Variants in PRDM5 observed in about 807,000 individuals in gnomAD.
The protein encoded by PRDM5 is PR/SET domain 5.
PRDM5 carries 56 observed loss-of-function variants against 81.2 expected under a neutral mutation model. The ratio of observed to expected loss-of-function variants is 0.69; its 90% CI spans 0.56 to 0.86. The LOEUF (loss-of-function observed/expected upper bound fraction) is 0.86. PRDM5 is among the 40% of genes least tolerant of loss of function. The pLI, the probability that PRDM5 is intolerant of heterozygous loss-of-function variation, is 0.00. For synonymous variants in PRDM5, 267 were observed against 256.4 expected (o/e 1.04, Z -0.39); for missense variants, 697 against 770.1 (o/e 0.91, Z 1.12).
intron 4 of PRDM5, among the ~76,000 whole-genome samples, chr4:120,820,776 T>C (rs915598330): frequency 4.6e-5 from 7 of 152,238 alleles, no homozygotes; most frequent in East Asian, 1.9e-4. Flanking sequence ...TTTTCCTATA[T>C]GCAGATGAGA....
chr4:120,741,788 G>C (rs961648182), intron 14 of PRDM5, among the ~76,000 whole-genome samples: 1 of 152,118 alleles, frequency 6.6e-6, no homozygotes, highest in South Asian at 2.1e-4. Flanking sequence ...ACCCCACGGA[G>C]TCTCGCTGAT....
intron 4 of PRDM5, among the ~76,000 whole-genome samples, chr4:120,819,934 C>T (rs370666823): frequency 5.6e-4 from 85 of 152,252 alleles, no homozygotes; most frequent in African/African-American, 2.0e-3. Flanking sequence ...ACTTTCTCAG[C>T]CAATAACATG....
downstream of PRDM5, among the ~76,000 whole-genome samples, chr4:120,690,307 T>C (rs1733991404): frequency 6.6e-6 from 1 of 152,118 alleles, no homozygotes; most frequent in African/African-American, 2.4e-5. Context: ...TCCAGATAAA[T>C]TTCATATGCT....
At chr4:120,751,509 A>G (rs1446809250) in intron 14 of PRDM5, among the ~76,000 whole-genome samples, 2 of 152,258 alleles carry the variant, frequency 1.3e-5, no homozygotes, top group African/African-American at 4.8e-5. Context: ...TGAAAAAAAA[A>G]TGGCCAAGAA....
At chr4:120,897,072 T>C (rs1764718118) in intron 2 of PRDM5, 2 of 151,766 alleles carry the variant, frequency 1.3e-5, no homozygotes, top group Non-Finnish European at 2.9e-5. Flanking sequence ...GTGGTCTTAG[T>C]ACCCTCATTT....
intron 2 of PRDM5, among the ~76,000 whole-genome samples, chr4:120,860,744 G>A (rs1760475333): frequency 6.6e-6 from 1 of 152,110 alleles, no homozygotes; most frequent in Non-Finnish European, 1.5e-5. Flanking sequence ...CTACTTAGTG[G>A]CTTATTTGTT....
chr4:120,905,530 T>C (rs2148673125), intron 2 of PRDM5, among the ~76,000 whole-genome samples: 1 of 152,294 alleles, frequency 6.6e-6, no homozygotes, highest in East Asian at 1.9e-4. Flanking sequence ...CCCTCATCCA[T>C]TTAGTCACAG....
chr4:120,738,614 G>A (rs1038866025), intron 14 of PRDM5, among the ~76,000 whole-genome samples: 1 of 152,088 alleles, frequency 6.6e-6, no homozygotes, highest in African/African-American at 2.4e-5. Context: ...AAACTGAATT[G>A]TAAGATGTGT....
intron 2 of PRDM5, among the ~76,000 whole-genome samples, chr4:120,856,972 C>T (rs1188298027): frequency 1.3e-5 from 2 of 152,152 alleles, no homozygotes; most frequent in Non-Finnish European, 2.9e-5. Flanking sequence ...ATGAAGTCAA[C>T]AGTCTCATCG....
At chr4:120,759,858 A>G (rs1312948346) in intron 13 of PRDM5, among the ~76,000 whole-genome samples, 1 of 152,248 alleles carries the variant, frequency 6.6e-6, no homozygotes, top group African/African-American at 2.4e-5. Context: ...ATTAGCCAAA[A>G]AAGTAGCTAA....
intron 2 of PRDM5, among the ~76,000 whole-genome samples, chr4:120,902,121 G>A (rs1036826375): frequency 6.6e-6 from 1 of 152,174 alleles, no homozygotes; most frequent in South Asian, 2.1e-4. Flanking sequence ...GAAATGGAAA[G>A]AAAGGCCCAG....
At chr4:120,862,656 C>A (rs1760737740) in intron 2 of PRDM5, among the ~76,000 whole-genome samples, 1 of 152,134 alleles carries the variant, frequency 6.6e-6, no homozygotes, top group African/African-American at 2.4e-5. Flanking sequence ...GTTAACATAT[C>A]AAGGTGTTTT....
intron 14 of PRDM5, among the ~76,000 whole-genome samples, chr4:120,715,303 C>A (rs1737588634): frequency 6.6e-6 from 1 of 152,104 alleles, no homozygotes; most frequent in Admixed American, 6.6e-5. Flanking sequence ...ATAAGTGCTC[C>A]TTATAGGGCC....
At chr4:120,869,323 T>C (rs1579054223) in intron 2 of PRDM5, among the ~76,000 whole-genome samples, 2 of 152,222 alleles carry the variant, frequency 1.3e-5, no homozygotes, top group South Asian at 2.1e-4. Context: ...TAGAATATTA[T>C]GCATACTTTT....
At chr4:120,894,939 T>C (rs1304202010) in intron 2 of PRDM5, among the ~76,000 whole-genome samples, 1 of 152,232 alleles carries the variant, frequency 6.6e-6, no homozygotes, top group East Asian at 1.9e-4. Context: ...TTCCGCTCCA[T>C]TCTTTCTCTC....
intron 11 of PRDM5, among the ~76,000 whole-genome samples, chr4:120,782,755 G>A (rs919954351): frequency 1.3e-5 from 2 of 152,004 alleles, no homozygotes; most frequent in Admixed American, 6.6e-5. Flanking sequence ...AATATCAATT[G>A]ATAAAAGACT....
chr4:120,695,229 T>G lies in PRDM5; in HGVS notation c.1775A>C (p.Lys592Thr), dbSNP rs1227856007. Residue 592 changes from lysine to threonine, a missense_variant, in exon 16 of 16, where the codon AAG becomes ACG. Physicochemically the swap from Lys to Thr is moderately conservative, Grantham distance 78. Around this residue, in one of 3 missense-constraint regions of PRDM5, gnomAD observed 86 missense variants for 135.2 expected, o/e 0.64. Transcript: ENST00000264808. ...GGGACGATTGGGATTATGAGTCATC[T>G]TGTGTCGAATCAGCATTTTCTTCAG... Reference protein sequence around the residue: ...FSLKKMLIRHKMTHNPNRPLA... With the variant: ...FSLKKMLIRHTMTHNPNRPLA... 3 of 1,613,584 alleles carry G rather than the reference T, an allele frequency of 1.9e-6. No individual in the cohort carries two copies. The highest frequency in any genetic ancestry group is 2.5e-6 in the Non-Finnish European group (3 of 1,179,638).
chr4:120,756,329 T>C (rs1364487081), intron 13 of PRDM5, among the ~76,000 whole-genome samples: 1 of 152,210 alleles, frequency 6.6e-6, no homozygotes, highest in African/African-American at 2.4e-5. Flanking sequence ...TTTGGTCTTA[T>C]GCATGCTATA....
chr4:120,753,740 C>T (rs775774912), intron 14 of PRDM5, among the ~76,000 whole-genome samples: 6 of 151,572 alleles, frequency 4.0e-5, no homozygotes, highest in Non-Finnish European at 5.9e-5. Flanking sequence ...ACAGACCATA[C>T]GCACTTTAAA....
Sources: gnomAD v4.1 joint callset for allele counts (sites outside exome capture counted in the v4.1 genomes callset) on GRCh38, gnomAD v4.1.1 for gene constraint, gnomAD v4.1.1 regional missense constraint, MANE v1.5 for transcripts, NCBI Gene and HGNC (gene_info 2026-07-23, HGNC 2026-07-21) for gene names.